Variants in RGS10 observed in about 807,000 individuals in gnomAD.
RGS10 encodes regulator of G protein signaling 10.
In RGS10, 11 loss-of-function variants were observed where a neutral mutation model predicts 23.5. That is an observed-to-expected ratio of 0.47 (90% CI 0.29 to 0.77). The LOEUF is 0.77. RGS10 is among the 30% of genes least tolerant of loss of function. The pLI, the probability that RGS10 is intolerant of heterozygous loss-of-function variation, is 0.08. For missense variants in RGS10, 180 were observed against 226.3 expected (o/e 0.80, Z 1.31); for synonymous variants, 77 against 83.2 (o/e 0.92, Z 0.41).
chr10:119,524,105 C>A lies in RGS10; in HGVS notation c.255+1927G>T, dbSNP rs1276898065. On this transcript the variant is annotated intron_variant, in intron 3 of 4. Transcript: ENST00000369103. The surrounding 1 kb of genome is among the most constrained non-coding windows in gnomAD (Gnocchi z 5.2). ...CCTGGATCCCTCCCCGTTGCCCACGCCTTGCTCCCACGACACATGTGCTTC... is the reference window on the plus strand; with the variant it reads ...CCTGGATCCCTCCCCGTTGCCCACGACTTGCTCCCACGACACATGTGCTTC... Among the ~76,000 whole-genome samples, 2 of 152,186 alleles carry A rather than the reference C, an allele frequency of 1.3e-5. No individual in the cohort carries two copies. The highest frequency in any genetic ancestry group is 4.8e-5 in the African/African-American group (2 of 41,442).
intron 4 of RGS10, among the ~76,000 whole-genome samples, chr10:119,507,349 G>A (rs1396304135): frequency 2.0e-5 from 3 of 152,134 alleles, no homozygotes; most frequent in Non-Finnish European, 4.4e-5. Flanking sequence ...AATGGGGCAA[G>A]GGAGAGAATG....
rs185360625 is a variant in RGS10, at chr10:119,514,003, G to A, written c.399+1506C>T. On this transcript the variant is annotated intron_variant, in intron 4 of 4. Transcript: ENST00000369103. ...CAAAATGGGAATAATAACACTCATTGGAGATAAAATGAGACAATACACACC... is the reference window on the plus strand; with the variant it reads ...CAAAATGGGAATAATAACACTCATTAGAGATAAAATGAGACAATACACACC... Among the ~76,000 whole-genome samples the A allele has an allele frequency of 9.8e-5, 15 of 152,320 alleles. No individual in the cohort carries two copies. In the East Asian group the frequency reaches 2.9e-3, roughly 29 times the overall value.
chr10:119,506,436 G>A (rs918908396), intron 4 of RGS10, among the ~76,000 whole-genome samples: 1 of 152,226 alleles, frequency 6.6e-6, no homozygotes, highest in Non-Finnish European at 1.5e-5. Flanking sequence ...AACTCCAGAA[G>A]GAGTCTGGAC....
intron 1 of RGS10, among the ~76,000 whole-genome samples, chr10:119,533,323 C>T (rs747528946): frequency 6.6e-6 from 1 of 151,478 alleles, no homozygotes; most frequent in South Asian, 2.1e-4. Flanking sequence ...CAGAGAGAGA[C>T]TCCGTCTTAG....
chr10:119,525,478 A>G (rs1822099560), intron 3 of RGS10, among the ~76,000 whole-genome samples: 1 of 152,210 alleles, frequency 6.6e-6, no homozygotes, highest in Non-Finnish European at 1.5e-5. Flanking sequence ...CACCCAGGGC[A>G]CAGGCCTCCT....
At chr10:119,510,294 C>T (rs1323646298) in intron 4 of RGS10, among the ~76,000 whole-genome samples, 2 of 152,170 alleles carry the variant, frequency 1.3e-5, no homozygotes, top group Admixed American at 6.6e-5. Flanking sequence ...TTTCACCACC[C>T]CCTCATGTGC....
At chr10:119,535,410 G>A (rs988416400) in intron 1 of RGS10, among the ~76,000 whole-genome samples, 1 of 152,178 alleles carries the variant, frequency 6.6e-6, no homozygotes, top group African/African-American at 2.4e-5. Context: ...TCAAGGATGG[G>A]TGAAGCATCA....
At chr10:119,509,851 C>T (rs1039157583) in intron 4 of RGS10, among the ~76,000 whole-genome samples, 1 of 151,990 alleles carries the variant, frequency 6.6e-6, no homozygotes, top group African/African-American at 2.4e-5. Context: ...TAGAATCCCC[C>T]ACTTCTGCCT....
chr10:119,506,188 A>G (rs1844010713), intron 4 of RGS10, among the ~76,000 whole-genome samples: 1 of 152,226 alleles, frequency 6.6e-6, no homozygotes, highest in East Asian at 1.9e-4. Context: ...AGGCGCAAAC[A>G]GGGATGTGCC....
At chr10:119,508,560 G>T (rs11198981) in intron 4 of RGS10, among the ~76,000 whole-genome samples, 424 of 152,292 alleles carry the variant, frequency 2.8e-3, no homozygotes, top group Non-Finnish European at 4.9e-3. Flanking sequence ...TGCCAGAGGA[G>T]AATTTTGTTT....
At chr10:119,502,911 C>T (rs989368593) in intron 4 of RGS10, among the ~76,000 whole-genome samples, 11 of 152,146 alleles carry the variant, frequency 7.2e-5, no homozygotes, top group Admixed American at 6.5e-4. Flanking sequence ...GAGAGGATGT[C>T]GCCCCCAAAG....
chr10:119,518,445 C>G (rs1477153512), intron 3 of RGS10, among the ~76,000 whole-genome samples: 1 of 152,216 alleles, frequency 6.6e-6, no homozygotes, highest in Non-Finnish European at 1.5e-5. Flanking sequence ...TCAACTGTGA[C>G]AATGCTCAGC....
chr10:119,535,963 T>G (rs1844383796), intron 1 of RGS10, among the ~76,000 whole-genome samples: 1 of 152,250 alleles, frequency 6.6e-6, no homozygotes, highest in Non-Finnish European at 1.5e-5. Flanking sequence ...TAGTACATTT[T>G]TTAAAAAGTC....
chr10:119,533,957 G>T (rs750543750), intron 1 of RGS10, among the ~76,000 whole-genome samples: 2 of 151,990 alleles, frequency 1.3e-5, no homozygotes, highest in Non-Finnish European at 2.9e-5. Context: ...AATAATAATG[G>T]TTAATACTTC....
intron 1 of RGS10, among the ~76,000 whole-genome samples, chr10:119,539,089 T>C (rs1844414256): frequency 6.6e-6 from 1 of 152,198 alleles, no homozygotes; most frequent in Admixed American, 6.5e-5. Flanking sequence ...CACTAGGTGG[T>C]GCCCAGAGCA....
rs939152613 is a variant in RGS10 at position 119,527,694 on chromosome 10, C to G, written c.50-270G>C. On this transcript the variant is annotated intron_variant, in intron 1 of 4. Coordinates refer to ENST00000369103, the MANE Select transcript of RGS10 (RefSeq NM_001005339.2). The surrounding 1 kb of genome is among the most constrained non-coding windows in gnomAD (Gnocchi z 4.2). Reference sequence around the variant, plus strand: ...TGCTGTTTCCCACCAAATCCTTCCCCTACTCTTGTGTCCACTGGCCAATTC... The same window carrying G: ...TGCTGTTTCCCACCAAATCCTTCCCGTACTCTTGTGTCCACTGGCCAATTC... Among the ~76,000 whole-genome samples, 4 of 152,190 alleles carry G rather than the reference C, an allele frequency of 2.6e-5. No individual in the cohort carries two copies. The highest frequency in any genetic ancestry group is 9.7e-5 in the African/African-American group (4 of 41,440).
At chr10:119,529,889 C>T (rs749148404) in intron 1 of RGS10, among the ~76,000 whole-genome samples, 17 of 151,914 alleles carry the variant, frequency 1.1e-4, no homozygotes, top group Non-Finnish European at 2.2e-4. Context: ...GTCAAGAGAT[C>T]GAGACCATCA....
At chr10:119,526,178 A>AG in intron 2 of RGS10, 60 bp from the exon 3 acceptor site, 1 of 911,872 alleles carries the variant, frequency 1.1e-6, no homozygotes, top group Non-Finnish European at 1.6e-6. Flanking sequence ...AATAAAACAA[A>AG]TGGCATTTCC....
intron 3 of RGS10, among the ~76,000 whole-genome samples, chr10:119,516,687 G>A (rs3009915): frequency 4.9e-4 from 74 of 152,266 alleles, no homozygotes; most frequent in Middle Eastern, 3.4e-3. Flanking sequence ...AGTAGGTACC[G>A]GCTTCCTGTT....
Sources: allele counts gnomAD v4.1 joint callset (sites outside exome capture counted in the v4.1 genomes callset), GRCh38; gene constraint gnomAD v4.1.1; non-coding constraint Gnocchi (gnomAD v3.1); transcripts MANE v1.5; gene names NCBI Gene and HGNC (gene_info 2026-07-23, HGNC 2026-07-21).